The following NEK10 variants were observed in gnomAD, a reference collection of about 807,000 sequenced individuals.
NEK10 encodes NIMA related kinase 10, also known as serine/threonine-protein kinase Nek10.
Under a neutral mutation model 159.8 loss-of-function variants are expected in NEK10, and 122 were observed. That is an observed-to-expected ratio of 0.76 (90% confidence interval 0.66 to 0.89). The LOEUF is 0.89. NEK10 is among the 40% of genes least tolerant of loss of function. The pLI is 0.00. For missense variants in NEK10, 1,342 were observed against 1,323.1 expected, an observed-to-expected ratio of 1.01 and a Z score of -0.22; for synonymous variants, 466 against 457.1, an observed-to-expected ratio of 1.02 and a Z score of -0.25.
chr3:27,192,918 C>T (rs1949240513), intron 25 of NEK10, among the ~76,000 whole-genome samples: 1 of 152,128 alleles, frequency 6.6e-6, no homozygotes, highest in Non-Finnish European at 1.5e-5. Context: ...CATAACTCAG[C>T]ATGCAGGCTC....
At chr3:27,324,324 T>G (rs1288207614) in intron 5 of NEK10, among the ~76,000 whole-genome samples, 2 of 152,222 alleles carry the variant, frequency 1.3e-5, no homozygotes, top group African/African-American at 4.8e-5. Flanking sequence ...AGGATACTTG[T>G]ACCCAAAGAG....
rs182431412 is a variant in NEK10 at position 27,113,167 on chromosome 3, A to C, written c.3300-1847T>G. 5.8e-3 allele frequency among the ~76,000 whole-genome samples: 878 copies of C among 152,198 alleles called. 5 individuals carry two copies. Among genetic ancestry groups the C allele is most frequent in the South Asian group, 0.018 (89 of 4,822 alleles). ...GCCAAAAGGGGGTCGGGTGTGGTGG[A>C]TCATGCCTGTAATCCCAGCACTTTG... is the stretch of plus-strand genomic sequence containing the variant. On this transcript the variant is annotated intron_variant, in intron 35 of 35. Coordinates refer to ENST00000691995, the MANE Select transcript of NEK10 (RefSeq NM_001394966.1).
intron 5 of NEK10, among the ~76,000 whole-genome samples, chr3:27,322,471 C>A (rs796336208): frequency 2.2e-4 from 33 of 152,104 alleles, no homozygotes; most frequent in African/African-American, 7.7e-4. Context: ...AGGCCCCCCC[C>A]AAACTTATTT....
intron 20 of NEK10, among the ~76,000 whole-genome samples, chr3:27,285,282 G>T (rs999697895): frequency 8.5e-5 from 13 of 152,096 alleles, no homozygotes; most frequent in African/African-American, 2.9e-4. Flanking sequence ...ACAAGTAAAT[G>T]ATCTCCAGTC....
At chr3:27,288,340 G>C (rs535826439) in intron 19 of NEK10, among the ~76,000 whole-genome samples, 29 of 152,316 alleles carry the variant, frequency 1.9e-4, no homozygotes, top group African/African-American at 6.5e-4. Flanking sequence ...TCCTCTTCGT[G>C]ACTAGGCCTC....
chr3:27,289,187 G>C (rs1461922549), intron 19 of NEK10, among the ~76,000 whole-genome samples: 3 of 152,218 alleles, frequency 2.0e-5, no homozygotes, highest in Admixed American at 6.5e-5. Flanking sequence ...TGATCGCATG[G>C]AGCAGAGAAC....
At chr3:27,214,988 G>C (rs1295616317) in intron 23 of NEK10, 5 of 689,280 alleles carry the variant, frequency 7.3e-6, no homozygotes, top group Non-Finnish European at 1.3e-5. Flanking sequence ...GCCAGGCACC[G>C]GTCCCACTTC....
chr3:27,280,839 A>ATG (rs2042099584), intron 22 of NEK10, among the ~76,000 whole-genome samples: 1 of 152,044 alleles, frequency 6.6e-6, no homozygotes, highest in Admixed American at 6.5e-5. Flanking sequence ...GGAATAAAAC[A>ATG]TGTATATATG....
chr3:27,281,255 G>C (rs1278221697), intron 22 of NEK10, among the ~76,000 whole-genome samples: 1 of 151,966 alleles, frequency 6.6e-6, no homozygotes, highest in Non-Finnish European at 1.5e-5. Context: ...AATGAAAACA[G>C]AGAGAGCAGA....
At chr3:27,141,891 C>G (rs991477865) in intron 30 of NEK10, among the ~76,000 whole-genome samples, 2 of 152,168 alleles carry the variant, frequency 1.3e-5, no homozygotes, top group African/African-American at 4.8e-5. Context: ...GCCTTAGATA[C>G]AGTAGCCACT....
chr3:27,181,522 A>G (rs1375722316), intron 26 of NEK10, among the ~76,000 whole-genome samples: 2 of 152,102 alleles, frequency 1.3e-5, no homozygotes, highest in Non-Finnish European at 2.9e-5. Context: ...AAATTCATGT[A>G]TAAGTGGATT....
intron 22 of NEK10, among the ~76,000 whole-genome samples, chr3:27,276,308 A>AG (rs1467181812): frequency 6.6e-6 from 1 of 152,046 alleles, no homozygotes; most frequent in Non-Finnish European, 1.5e-5. Context: ...CAGTGTACTA[A>AG]GGGGTCCCAG....
chr3:27,262,174 G>C (rs1214912784), intron 22 of NEK10, among the ~76,000 whole-genome samples: 1 of 152,054 alleles, frequency 6.6e-6, no homozygotes, highest in Admixed American at 6.6e-5. Context: ...CTCTCTTCTG[G>C]CTTGTAGAGT....
At chr3:27,254,639 G>GA (rs36114486) in intron 23 of NEK10, among the ~76,000 whole-genome samples, 35,231 of 151,974 alleles carry the variant, frequency 0.23, 4,432 homozygotes, top group Middle Eastern at 0.37. Context: ...GGAGAGATGA[G>GA]AGAAGGGAGT....
At position 27,328,819 on chromosome 3, in the gene NEK10, T is replaced by C. The variant is rs116882290; in HGVS notation, c.363-6558A>G. On this transcript the variant is annotated intron_variant, in intron 5 of 35. Transcript: ENST00000691995. ...CTGCAATAGTCCAAGCAAGAGATGATGGGGGTTTGGACTAGCTGATGGGGA... is the reference window on the plus strand; with the variant it reads ...CTGCAATAGTCCAAGCAAGAGATGACGGGGGTTTGGACTAGCTGATGGGGA... Among the ~76,000 whole-genome samples the C allele has an allele frequency of 2.0e-5, 3 of 152,130 alleles. No individual in the cohort carries two copies. The East Asian group carries it at 5.8e-4, about 29-fold the overall frequency.
At chr3:27,127,675 T>A (rs1942129029) in intron 32 of NEK10, among the ~76,000 whole-genome samples, 1 of 152,196 alleles carries the variant, frequency 6.6e-6, no homozygotes, top group African/African-American at 2.4e-5. Flanking sequence ...CATCATTATG[T>A]GGTGCATGAC....
chr3:27,273,404 T>C (rs1396766487), intron 22 of NEK10, among the ~76,000 whole-genome samples: 3 of 152,164 alleles, frequency 2.0e-5, no homozygotes, highest in Non-Finnish European at 4.4e-5. Flanking sequence ...GTAGACATGG[T>C]TCATTGCTGA....
chr3:27,267,311 C>T (rs932208159), intron 22 of NEK10, among the ~76,000 whole-genome samples: 6 of 152,126 alleles, frequency 3.9e-5, no homozygotes, highest in African/African-American at 1.4e-4. Context: ...GTATAGTTTG[C>T]CTCAGCCCTA....
intron 22 of NEK10, among the ~76,000 whole-genome samples, chr3:27,273,345 C>T (rs914106186): frequency 6.6e-6 from 1 of 152,146 alleles, no homozygotes; most frequent in Non-Finnish European, 1.5e-5. Context: ...AAATGGCTTC[C>T]TCTGAGAGAA....
Sources: gnomAD v4.1 joint callset for allele counts (sites outside exome capture counted in the v4.1 genomes callset) on GRCh38, gnomAD v4.1.1 for gene constraint, MANE v1.5 for transcripts, NCBI Gene and HGNC (gene_info 2026-07-23, HGNC 2026-07-21) for gene names.